The following PRORP variants were observed in gnomAD, a reference collection of about 807,000 sequenced individuals.
PRORP encodes the protein mitochondrial ribonuclease P catalytic subunit.
A neutral mutation model predicts 59.4 loss-of-function variants in PRORP; 51 were observed. That is an observed-to-expected ratio of 0.86 (90% CI 0.69 to 1.08). The LOEUF is 1.08. Ranked by LOEUF, PRORP falls within the 50% of genes least tolerant of loss-of-function variation. The pLI is 0.00. For synonymous variants in PRORP, 231 were observed against 245.6 expected (o/e 0.94, Z 0.55); for missense variants, 646 against 690.3 (o/e 0.94, Z 0.72).
chr14:35,237,675 T>C (rs1210560085), intron 5 of PRORP, among the ~76,000 whole-genome samples: 1 of 152,224 alleles, frequency 6.6e-6, no homozygotes, highest in Non-Finnish European at 1.5e-5. Flanking sequence ...TATTTTTTAT[T>C]TGAGACAGCG....
intron 5 of PRORP, among the ~76,000 whole-genome samples, chr14:35,217,515 A>AC (rs1414391570): frequency 5.3e-5 from 8 of 151,654 alleles, no homozygotes; most frequent in Admixed American, 3.3e-4. Context: ...AAAAAAAAAA[A>AC]AAGAAAAGAA....
At chr14:35,183,221 TAC>T (rs57325498) in intron 5 of PRORP, among the ~76,000 whole-genome samples, 9,653 of 150,582 alleles carry the variant, frequency 0.064, 523 homozygotes, top group African/African-American at 0.15. Flanking sequence ...CATACATACA[TAC>T]ACACACACAC....
chr14:35,170,188 A>G (rs965451245), intron 4 of PRORP, among the ~76,000 whole-genome samples: 5 of 152,236 alleles, frequency 3.3e-5, no homozygotes, highest in African/African-American at 9.6e-5. Flanking sequence ...CTTATTCTGT[A>G]TTAAAGATAA....
intron 5 of PRORP, among the ~76,000 whole-genome samples, chr14:35,248,146 G>A (rs1424581518): frequency 2.6e-5 from 4 of 152,182 alleles, no homozygotes; most frequent in South Asian, 2.1e-4. Flanking sequence ...AAAGACTGAC[G>A]AAAGCAGGAT....
chr14:35,143,524 A>G (rs116091859), intron 4 of PRORP, among the ~76,000 whole-genome samples: 3,093 of 146,332 alleles, frequency 0.021, 215 homozygotes, highest in African/African-American at 0.072. Flanking sequence ...ATTTTTATAG[A>G]AAATAATTCT....
chr14:35,159,872 A>G (rs1345069162), intron 4 of PRORP, among the ~76,000 whole-genome samples: 1 of 152,202 alleles, frequency 6.6e-6, no homozygotes, highest in Non-Finnish European at 1.5e-5. Context: ...CATACTGGTA[A>G]TTCTGCCTCC....
At position 35,251,709 on chromosome 14, in the gene PRORP, C is replaced by T. The variant is rs140919939; in HGVS notation, c.1276-15018C>T. 8.8e-3 allele frequency among the ~76,000 whole-genome samples: 1,338 copies of T among 152,066 alleles called. 17 individuals are homozygous for T. The highest frequency in any genetic ancestry group is 0.03 in the African/African-American group (1,245 of 41,468). ...AACTGGGATTACAGGCGCCCACCAC[C>T]GCGCCCAGCTAATTTTTGTATTTTT... On this transcript the variant is annotated intron_variant, in intron 5 of 7. Coordinates refer to ENST00000534898, the MANE Select transcript of PRORP (RefSeq NM_014672.4).
Position 35,158,940 on chromosome 14 carries a change from C to T in PRORP, c.1168-21730C>T, listed in dbSNP as rs139806150. The stretch of plus-strand genomic sequence containing the variant: ...CCACCACCGTAAGTGTGAATTCAAA[C>T]GTTCTCTTCACTGATTCTCTGGATA... On this transcript the variant is annotated intron_variant, in intron 4 of 7. Coordinates refer to ENST00000534898, the MANE Select transcript of PRORP (RefSeq NM_014672.4). 837 of 341,398 alleles carry T rather than the reference C, an allele frequency of 2.5e-3. 5 individuals are homozygous for T. The highest frequency in any genetic ancestry group is 3.7e-3 in the Non-Finnish European group (661 of 177,568). 21.1% of individuals were successfully genotyped at this position (341,398 alleles called of 1,614,324 possible).
chr14:35,153,573 A>G (rs1412819591), intron 4 of PRORP, among the ~76,000 whole-genome samples: 9 of 152,208 alleles, frequency 5.9e-5, no homozygotes, highest in Admixed American at 4.6e-4. Context: ...TCTATTCATT[A>G]AGCTTCCCTG....
intron 5 of PRORP, among the ~76,000 whole-genome samples, chr14:35,231,313 C>G (rs567522137): frequency 6.6e-6 from 1 of 151,942 alleles, no homozygotes; most frequent in South Asian, 2.1e-4. Flanking sequence ...TCTTGTAACA[C>G]TTTTTGTTTT....
chr14:35,254,377 G>A (rs1421898652), intron 5 of PRORP, among the ~76,000 whole-genome samples: 9 of 151,868 alleles, frequency 5.9e-5, no homozygotes, highest in Admixed American at 2.0e-4. Context: ...GTTTTGGTTT[G>A]TTTGCTTGTT....
At chr14:35,164,346 A>G (rs535771473) in intron 4 of PRORP, among the ~76,000 whole-genome samples, 5 of 152,372 alleles carry the variant, frequency 3.3e-5, no homozygotes, top group African/African-American at 1.2e-4. Flanking sequence ...TCATATGTGC[A>G]TTGCTGCGCT....
At chr14:35,253,434 AACACAC>A (rs772064348) in intron 5 of PRORP, among the ~76,000 whole-genome samples, 12 of 148,782 alleles carry the variant, frequency 8.1e-5, no homozygotes, top group African/African-American at 3.1e-4. Flanking sequence ...AGAAAAAAGA[AACACAC>A]ACACACACAC....
chr14:35,230,938 AACACAC>A (rs60270535), intron 5 of PRORP, among the ~76,000 whole-genome samples: 3,251 of 144,530 alleles, frequency 0.022, 74 homozygotes, highest in Middle Eastern at 0.068. Context: ...AGGAAAAGAG[AACACAC>A]ACACACACAC....
At chr14:35,148,821 C>G (rs1470065410) in intron 4 of PRORP, among the ~76,000 whole-genome samples, 1 of 151,966 alleles carries the variant, frequency 6.6e-6, no homozygotes. Context: ...TGAGTACTTG[C>G]TGCTTCACCT....
chr14:35,240,510 A>G (rs534701530), intron 5 of PRORP, among the ~76,000 whole-genome samples: 2 of 152,238 alleles, frequency 1.3e-5, no homozygotes, highest in African/African-American at 4.8e-5. Context: ...CCTATGCTGT[A>G]TTAGCTATAC....
At chr14:35,133,185 A>G (rs1243655112) in intron 4 of PRORP, among the ~76,000 whole-genome samples, 1 of 152,078 alleles carries the variant, frequency 6.6e-6, no homozygotes, top group Non-Finnish European at 1.5e-5. Context: ...TCCCAAAGTG[A>G]TGGGATTACG....
chr14:35,182,659 A>G (rs1383496209), intron 5 of PRORP, among the ~76,000 whole-genome samples: 1 of 152,216 alleles, frequency 6.6e-6, no homozygotes, highest in Non-Finnish European at 1.5e-5. Flanking sequence ...AAAAAGAAAA[A>G]GATGACCCAT....
chr14:35,150,410 G>A (rs1471603438), intron 4 of PRORP, among the ~76,000 whole-genome samples: 1 of 152,146 alleles, frequency 6.6e-6, no homozygotes, highest in African/African-American at 2.4e-5. Context: ...CAGCAGCACG[G>A]TTTCTGGTGC....
Sources: allele counts gnomAD v4.1 joint callset (sites outside exome capture counted in the v4.1 genomes callset), GRCh38; gene constraint gnomAD v4.1.1; transcripts MANE v1.5; gene names NCBI Gene and HGNC (gene_info 2026-07-23, HGNC 2026-07-21).